Variants in WDR25 observed in about 807,000 individuals in gnomAD.
The protein encoded by WDR25 is WD repeat-containing protein 25.
Under a neutral mutation model 47.7 loss-of-function variants are expected in WDR25, and 35 were observed. The ratio of observed to expected loss-of-function variants is 0.73; its 90% CI spans 0.56 to 0.97. WDR25 has a LOEUF of 0.97. Among genes scored for constraint, WDR25 ranks in the 50% least tolerant of loss-of-function variants. The probability of loss-of-function intolerance (pLI) is 0.00; values close to 1 mark genes in which losing one functional copy is unlikely to be tolerated. For missense variants in WDR25, 634 were observed against 704.7 expected (o/e 0.90, Z 1.14); for synonymous variants, 248 against 278.9 (o/e 0.89, Z 1.10).
At chr14:100,378,581 GACGGAC>G (rs1412329839) in intron 1 of WDR25, among the ~76,000 whole-genome samples, 1 of 152,212 alleles carries the variant, frequency 6.6e-6, no homozygotes, top group African/African-American at 2.4e-5. Context: ...CACTTGGGTA[GACGGAC>G]ACCTCAGGAC....
chr14:100,431,327 C>T (rs1225571775), intron 2 of WDR25, among the ~76,000 whole-genome samples: 4 of 151,974 alleles, frequency 2.6e-5, no homozygotes, highest in Admixed American at 6.6e-5. Context: ...CCTAGTTAAC[C>T]GAAAGAAATT....
At chr14:100,526,223 A>G (rs935561584) in intron 5 of WDR25, among the ~76,000 whole-genome samples, 183 bp downstream of exon 5, 1 of 152,112 alleles carries the variant, frequency 6.6e-6, no homozygotes, top group Non-Finnish European at 1.5e-5. Context: ...GGGCTTCCAG[A>G]TGCAACCTCC....
intron 4 of WDR25, among the ~76,000 whole-genome samples, chr14:100,504,018 A>G (rs1431572734): frequency 6.6e-6 from 1 of 152,260 alleles, no homozygotes; most frequent in African/African-American, 2.4e-5. Context: ...TGTTTTAACA[A>G]TTATAAAATT....
At position 100,381,322 on chromosome 14, in the gene WDR25, G is replaced by T. The variant is rs376558890; in HGVS notation, c.398G>T (p.Arg133Leu). Residue 133 changes from arginine to leucine, a missense_variant, in exon 2 of 7, where the codon CGC becomes CTC. Physicochemically the swap from Arg to Leu is moderately radical, Grantham distance 102 (BLOSUM62 -2). Transcript: ENST00000402312. ...AGCCACATGCCCCTGGCAGCTGCCC[G>T]CTTTAAGCAAGTAAAACTCTCCAGG... is the stretch of plus-strand genomic sequence containing the variant. ...PASHMPLAAA[R>L]FKQVKLSRNF... 2.5e-6 allele frequency: 4 copies of T among 1,614,210 alleles called. No individual in the cohort carries two copies. The highest frequency in any genetic ancestry group is 3.4e-6 in the Non-Finnish European group (4 of 1,180,032).
Position 100,529,697 on chromosome 14 carries a change from C to G in WDR25, c.1414-123C>G. 1 of 1,121,422 alleles carries G rather than the reference C, an allele frequency of 8.9e-7. No individual in the cohort carries two copies. Among genetic ancestry groups the G allele is most frequent in the Non-Finnish European group, 1.3e-6 (1 of 796,898 alleles). 69.5% of individuals were successfully genotyped at this position (1,121,422 alleles called of 1,614,324 possible). On this transcript the variant is annotated intron_variant, in intron 6 of 6. Transcript: ENST00000402312. The surrounding 1 kb of genome is among the most constrained non-coding windows in gnomAD (Gnocchi z 5.1). ...GACCTGGGCTTTGGCCTCAGGGACA[C>G]GAGGTGCGAAGCCCAGCTCTGCTCC...
intron 4 of WDR25, chr14:100,504,547 T>C (rs1020664324): frequency 2.0e-5 from 3 of 152,220 alleles, no homozygotes; most frequent in African/African-American, 4.8e-5. Flanking sequence ...CTCATCCCTA[T>C]TGTATGTATC....
chr14:100,521,534 T>A (rs1479731204), intron 4 of WDR25, among the ~76,000 whole-genome samples: 1 of 152,114 alleles, frequency 6.6e-6, no homozygotes. Flanking sequence ...CCACTTTGAA[T>A]TTTTTTTCAC....
intron 2 of WDR25, 162 bp downstream of exon 2, chr14:100,381,908 G>A (rs1896911841): frequency 4.5e-6 from 3 of 661,358 alleles, no homozygotes; most frequent in Non-Finnish European, 7.7e-6. Context: ...GGTCAGCTCC[G>A]GGTTGTGGGT....
At chr14:100,420,096 C>T (rs1361327461) in intron 2 of WDR25, among the ~76,000 whole-genome samples, 1 of 152,188 alleles carries the variant, frequency 6.6e-6, no homozygotes, top group Non-Finnish European at 1.5e-5. Flanking sequence ...CTGTAGGCCC[C>T]TCACAAGGCC....
At position 100,464,591 on chromosome 14, in the gene WDR25, A is replaced by T. The variant is rs1290305607; in HGVS notation, c.823-3430A>T. 1.1e-4 allele frequency among the ~76,000 whole-genome samples: 16 copies of T among 149,628 alleles called. 1 individual carries two copies. Among genetic ancestry groups the T allele is most frequent in the Admixed American group, 1.1e-3 (16 of 15,052 alleles). On this transcript the variant is annotated intron_variant, in intron 2 of 6. Coordinates refer to ENST00000402312, the MANE Select transcript of WDR25 (RefSeq NM_001161476.3). ...TTTGGGCATGTTTTCTTCGGAGAGCATTTTCCATCTCTCCCTCTCCTCATC... is the reference window on the plus strand; with the variant it reads ...TTTGGGCATGTTTTCTTCGGAGAGCTTTTTCCATCTCTCCCTCTCCTCATC...
chr14:100,517,105 TG>T (rs1442888964), intron 4 of WDR25, among the ~76,000 whole-genome samples: 5 of 140,570 alleles, frequency 3.6e-5, no homozygotes, highest in Non-Finnish European at 4.6e-5. Context: ...ATATCTCCTC[TG>T]TTTTTTTTTT....
At chr14:100,524,981 T>G (rs895345815) in intron 4 of WDR25, among the ~76,000 whole-genome samples, 2 of 152,254 alleles carry the variant, frequency 1.3e-5, no homozygotes, top group Non-Finnish European at 2.9e-5. Context: ...CATTTTGAGC[T>G]GGCGGGGCCC....
intron 2 of WDR25, among the ~76,000 whole-genome samples, chr14:100,409,078 G>A (rs2140186458): frequency 6.6e-6 from 1 of 152,280 alleles, no homozygotes; most frequent in East Asian, 1.9e-4. Flanking sequence ...AATTTCTAGA[G>A]GCTGCCTCCA....
chr14:100,426,733 C>A (rs1170104608), intron 2 of WDR25, among the ~76,000 whole-genome samples: 1 of 152,102 alleles, frequency 6.6e-6, no homozygotes, highest in East Asian at 1.9e-4. Context: ...AAGACTGCTG[C>A]CCCCCAGCCC....
chr14:100,464,086 A>G (rs1324108547), intron 2 of WDR25, among the ~76,000 whole-genome samples: 2 of 152,068 alleles, frequency 1.3e-5, no homozygotes, highest in Non-Finnish European at 2.9e-5. Context: ...GGATGCCCCA[A>G]CGGCTTGTGG....
chr14:100,387,687 G>C lies in WDR25; in HGVS notation c.822+5941G>C, dbSNP rs1490162502. Among the ~76,000 whole-genome samples, 3 of 152,244 alleles carry C rather than the reference G, an allele frequency of 2.0e-5. No homozygotes were observed. In the East Asian group the frequency reaches 5.8e-4, roughly 29 times the overall value. On this transcript the variant is annotated intron_variant, in intron 2 of 6. Transcript: ENST00000402312. ...CAAGAGACTTGTCCGTGGTCACACAGCTAGTAAATGATAGAGGCAAGCAGG... is the reference window on the plus strand; with the variant it reads ...CAAGAGACTTGTCCGTGGTCACACACCTAGTAAATGATAGAGGCAAGCAGG...
In WDR25 at chr14:100,468,121, T is replaced by C; in HGVS notation, c.923T>C (p.Leu308Pro). ...ARWAPCGRRILSGGFDFALHL... is the reference protein window; with the variant it reads ...ARWAPCGRRIPSGGFDFALHL... The stretch of plus-strand genomic sequence containing the variant: ...TGGGCTCCCTGTGGCCGGCGCATCC[T>C]CAGTGGTGGCTTTGACTTCGCGCTG... The change falls in exon 3 of 7, where the codon CTC becomes CCC. Residue 308 changes from leucine (L) to proline (P), a missense_variant. Leu to Pro is a moderately conservative substitution (Grantham distance 98). Coordinates refer to ENST00000402312, the MANE Select transcript of WDR25 (RefSeq NM_001161476.3). This position sits in a 1 kb window ranked among gnomAD's most constrained non-coding sequence, Gnocchi z 4.5. 1 of 1,613,642 alleles carries C rather than the reference T, an allele frequency of 6.2e-7. No homozygotes were observed. Among genetic ancestry groups the C allele is most frequent in the Non-Finnish European group, 8.5e-7 (1 of 1,180,020 alleles).
At chr14:100,492,610 A>C (rs1239260230) in intron 4 of WDR25, among the ~76,000 whole-genome samples, 1 of 152,202 alleles carries the variant, frequency 6.6e-6, no homozygotes, top group African/African-American at 2.4e-5. Context: ...AATCTTCTAT[A>C]ATACATATTG....
chr14:100,460,262 G>A (rs1378243781), intron 2 of WDR25, among the ~76,000 whole-genome samples: 4 of 151,666 alleles, frequency 2.6e-5, no homozygotes, highest in East Asian at 3.9e-4. Context: ...ACAGGCGCCC[G>A]CCACCACGCC....
Sources: allele counts gnomAD v4.1 joint callset (sites outside exome capture counted in the v4.1 genomes callset), GRCh38; gene constraint gnomAD v4.1.1; non-coding constraint Gnocchi (gnomAD v3.1); transcripts MANE v1.5; gene names NCBI Gene and HGNC (gene_info 2026-07-23, HGNC 2026-07-21).